Variants in GYPE observed in about 807,000 individuals in gnomAD.
GYPE encodes the protein glycophorin-E.
Under a neutral mutation model 11.6 loss-of-function variants are expected in GYPE, and 8 were observed. That is an observed-to-expected ratio of 0.69 (90% CI 0.41 to 1.25). The LOEUF (loss-of-function observed/expected upper bound fraction) is 1.25. Ranked by LOEUF, GYPE falls within the 50% of genes most tolerant of loss-of-function variation. GYPE has a pLI of 0.01. For synonymous variants in GYPE, 28 were observed against 29.6 expected, an observed-to-expected ratio of 0.94 and a Z score of 0.18; for missense variants, 90 against 92.8, an observed-to-expected ratio of 0.97 and a Z score of 0.12.
chr4:143,893,849 T>A (rs933092931), intron 1 of GYPE, among the ~76,000 whole-genome samples: 32 of 152,254 alleles, frequency 2.1e-4, no homozygotes, highest in Middle Eastern at 3.4e-3. Flanking sequence ...TGAATCTGAA[T>A]GTTGGCCTGC....
At chr4:143,886,274 A>G (rs1333045538) in intron 1 of GYPE, among the ~76,000 whole-genome samples, 3 of 142,740 alleles carry the variant, frequency 2.1e-5, no homozygotes, top group Non-Finnish European at 4.6e-5. Flanking sequence ...GGCAATTTAA[A>G]GAATTTCATC....
intron 3 of GYPE, among the ~76,000 whole-genome samples, chr4:143,874,267 C>G (rs1397858791): frequency 1.3e-5 from 2 of 152,186 alleles, no homozygotes; most frequent in East Asian, 1.9e-4. Flanking sequence ...AAATTAAGCT[C>G]TATACATATC....
chr4:143,899,754 T>C (rs1198381267), intron 1 of GYPE, among the ~76,000 whole-genome samples: 2 of 128,202 alleles, frequency 1.6e-5, no homozygotes, highest in African/African-American at 5.6e-5. Flanking sequence ...CTGGGACAGC[T>C]GCAAAATAAT....
At chr4:143,895,453 T>G (rs185813765) in intron 1 of GYPE, among the ~76,000 whole-genome samples, 2 of 150,760 alleles carry the variant, frequency 1.3e-5, no homozygotes, top group Admixed American at 6.6e-5. Context: ...TTACAAGGGA[T>G]GTTAAGGACC....
Position 143,871,046 on chromosome 4 carries a change from G to A in GYPE, c.*1216C>T, listed in dbSNP as rs185259375. The A allele has an allele frequency of 1.6e-4, 24 of 149,268 alleles. 2 individuals are homozygous for A. In the East Asian group the frequency reaches 4.9e-3, roughly 30 times the overall value. The allele number at this position is 149,268 out of a possible 1,614,324, so 9.2% of individuals were successfully genotyped here. On this transcript the variant is annotated 3_prime_UTR_variant, in exon 4 of 4. Coordinates refer to ENST00000358615, the MANE Select transcript of GYPE (RefSeq NM_198682.3). ...CCTTTATAAAACTATCAGATTATGT[G>A]AGAATTTACTCACTATCATGAGAAT...
intron 1 of GYPE, among the ~76,000 whole-genome samples, chr4:143,889,836 T>C (rs1284396288): frequency 6.6e-6 from 1 of 152,220 alleles, no homozygotes; most frequent in Admixed American, 6.5e-5. Flanking sequence ...ATATTAATTA[T>C]TCTTTGTGGA....
chr4:143,883,187 T>G (rs1341013857), intron 1 of GYPE, among the ~76,000 whole-genome samples: 1 of 152,084 alleles, frequency 6.6e-6, no homozygotes, highest in African/African-American at 2.4e-5. Context: ...CCCCACTCTC[T>G]CTTGCTCCTG....
At chr4:143,895,094 A>T (rs1292682677) in intron 1 of GYPE, among the ~76,000 whole-genome samples, 1 of 152,158 alleles carries the variant, frequency 6.6e-6, no homozygotes, top group East Asian at 1.9e-4. Context: ...GAAAACTGGC[A>T]CAAGACAGGG....
At chr4:143,883,608 G>A (rs1425460682) in intron 1 of GYPE, among the ~76,000 whole-genome samples, 10 of 144,262 alleles carry the variant, frequency 6.9e-5, no homozygotes, top group Non-Finnish European at 1.2e-4. Context: ...ATAATAACAT[G>A]TAATTAATTA....
chr4:143,893,449 C>T (rs901591944), intron 1 of GYPE, among the ~76,000 whole-genome samples: 15 of 150,798 alleles, frequency 9.9e-5, no homozygotes, highest in Admixed American at 2.0e-4. Context: ...CGGCTGTTAC[C>T]GGATGTGCCT....
chr4:143,904,178 C>T (rs11735314), intron 1 of GYPE, among the ~76,000 whole-genome samples: 3 of 151,760 alleles, frequency 2.0e-5, no homozygotes, highest in South Asian at 2.1e-4. Flanking sequence ...CAATCACATA[C>T]GTAGGTTTGT....
intron 2 of GYPE, among the ~76,000 whole-genome samples, chr4:143,879,966 G>A (rs1343351691): frequency 6.6e-6 from 1 of 152,114 alleles, no homozygotes; most frequent in Non-Finnish European, 1.5e-5. Flanking sequence ...AGCCTTTAGA[G>A]AAATGCTGTG....
At chr4:143,874,301 C>A (rs1743717199) in intron 3 of GYPE, among the ~76,000 whole-genome samples, 1 of 152,002 alleles carries the variant, frequency 6.6e-6, no homozygotes, top group Non-Finnish European at 1.5e-5. Flanking sequence ...CATCCCACAG[C>A]CCCCTCACCC....
intron 2 of GYPE, 145 bp downstream of exon 2, chr4:143,880,266 T>C: frequency 7.4e-7 from 1 of 1,352,752 alleles, no homozygotes; most frequent in Non-Finnish European, 1.0e-6. Flanking sequence ...GTAGTAGGAA[T>C]TGTGTCTACT....
intron 3 of GYPE, among the ~76,000 whole-genome samples, chr4:143,872,483 G>A (rs1743650829): frequency 6.6e-6 from 1 of 151,884 alleles, no homozygotes. Context: ...CAAATAAAGA[G>A]GCTAGTCCTG....
At chr4:143,904,943 G>T (rs1435058908) in intron 1 of GYPE, among the ~76,000 whole-genome samples, 1 of 151,988 alleles carries the variant, frequency 6.6e-6, no homozygotes, top group Admixed American at 6.5e-5. Context: ...ATCTAAGCCA[G>T]TAAGAGTTGT....
rs887107973 is a variant in GYPE, at chr4:143,871,827, G to C, written c.*435C>G. ...AAGGGAATTGTGGTTGGACAACCGA[G>C]TTCTGAGAAAGGCAGTGATTGAGCA... On this transcript the variant is annotated 3_prime_UTR_variant, in exon 4 of 4. Transcript: ENST00000358615. 6.6e-6 allele frequency: 1 copy of C among 152,320 alleles called. No individual in the cohort carries two copies. The highest frequency in any genetic ancestry group is 2.1e-4 in the South Asian group (1 of 4,816). 9.4% of individuals were successfully genotyped at this position (152,320 alleles called of 1,614,324 possible).
At chr4:143,881,335 A>C (rs1276825376) in intron 1 of GYPE, among the ~76,000 whole-genome samples, 1 of 152,098 alleles carries the variant, frequency 6.6e-6, no homozygotes, top group African/African-American at 2.4e-5. Flanking sequence ...CAAATTTATA[A>C]GTTATTTTAT....
intron 2 of GYPE, among the ~76,000 whole-genome samples, chr4:143,879,635 A>C (rs556750621): frequency 1.3e-5 from 2 of 152,322 alleles, no homozygotes; most frequent in African/African-American, 4.8e-5. Flanking sequence ...GAGGGTAAAC[A>C]GTTGTAACAG....
Sources: allele counts gnomAD v4.1 joint callset (sites outside exome capture counted in the v4.1 genomes callset), GRCh38; gene constraint gnomAD v4.1.1; transcripts MANE v1.5; gene names NCBI Gene and HGNC (gene_info 2026-07-23, HGNC 2026-07-21).